The following LGSN variants were observed in gnomAD, a reference collection of about 807,000 sequenced individuals.
LGSN encodes lengsin, lens protein with glutamine synthetase domain.
In LGSN, 21 loss-of-function variants were observed where a neutral mutation model predicts 19.5. That is an observed-to-expected ratio of 1.07 (90% confidence interval 0.76 to 1.55). The LOEUF (loss-of-function observed/expected upper bound fraction) is 1.55, where lower values mean the gene tolerates loss of function less well. Ranked by LOEUF, LGSN falls within the 40% of genes most tolerant of loss-of-function variation. LGSN has a pLI of 0.00. For missense variants in LGSN, 673 were observed against 608.5 expected (o/e 1.11, Z -1.12); for synonymous variants, 257 against 215.6 (o/e 1.19, Z -1.68).
chr6:63,439,476 C>A, the LGSN span, among the ~76,000 whole-genome samples: 1 of 151,886 alleles, frequency 6.6e-6, no homozygotes, highest in African/African-American at 2.4e-5. Context: ...GATCGTGCCA[C>A]TGCACTCCGG....
At chr6:63,312,516 G>A (rs1245718193) in intron 1 of LGSN, among the ~76,000 whole-genome samples, 2 of 152,062 alleles carry the variant, frequency 1.3e-5, no homozygotes, top group Non-Finnish European at 2.9e-5. Flanking sequence ...ATAACTTTCA[G>A]TATCATTAAA....
the LGSN span, among the ~76,000 whole-genome samples, chr6:63,432,157 GAAAGAAAGAAAGAAAA>G: frequency 8.3e-3 from 809 of 97,830 alleles, 38 homozygotes; most frequent in African/African-American, 0.028. Flanking sequence ...AAGAAAGAAA[GAAAGAAAGAAAGAAAA>G]GGAAAGAAAG....
the LGSN span, among the ~76,000 whole-genome samples, chr6:63,570,556 A>G: frequency 1.3e-5 from 2 of 152,254 alleles, no homozygotes; most frequent in Non-Finnish European, 2.9e-5. Context: ...TCTGTGGATC[A>G]CAAGGCTCAC....
chr6:63,401,188 T>A, the LGSN span, among the ~76,000 whole-genome samples: 2 of 151,336 alleles, frequency 1.3e-5, no homozygotes, highest in African/African-American at 4.9e-5. Context: ...CAGCACAGGA[T>A]TTCAAACAAG....
At chr6:63,364,232 A>T in the LGSN span, among the ~76,000 whole-genome samples, 5 of 151,804 alleles carry the variant, frequency 3.3e-5, no homozygotes, top group African/African-American at 9.7e-5. Context: ...GGATGGAGGA[A>T]GATCTACCAA....
chr6:63,564,727 A>C, the LGSN span, among the ~76,000 whole-genome samples: 1 of 152,328 alleles, frequency 6.6e-6, no homozygotes, highest in Non-Finnish European at 1.5e-5. Context: ...CTGTGGCATA[A>C]TTCAACATGT....
chr6:63,476,871 T>A, the LGSN span, among the ~76,000 whole-genome samples: 3 of 152,250 alleles, frequency 2.0e-5, no homozygotes, highest in African/African-American at 7.2e-5. Flanking sequence ...AATTTGCCAT[T>A]GTTTTTAATT....
the LGSN span, among the ~76,000 whole-genome samples, chr6:63,538,269 A>G: frequency 1.3e-5 from 2 of 152,234 alleles, no homozygotes; most frequent in East Asian, 3.8e-4. Flanking sequence ...AGGGAAATCT[A>G]GAACTGTTCT....
At position 63,280,872 on chromosome 6, in the gene LGSN, G is replaced by C. The variant is rs201961655; in HGVS notation, c.679C>G (p.Pro227Ala). Reference sequence around the variant, plus strand: ...TGGTTATTTAAAAATGTTAAAGCAGGAAAAGATATAATCTTTGAATTTAAA... The same window carrying C: ...TGGTTATTTAAAAATGTTAAAGCAGCAAAAGATATAATCTTTGAATTTAAA... ...EILNSKIISF[P>A]ALTFLNNHDQ... Residue 227 changes from proline to alanine, a missense_variant, in exon 4 of 4, where the codon CCT becomes GCT. Physicochemically the swap from Pro to Ala is conservative, Grantham distance 27. Coordinates refer to ENST00000370657, the MANE Select transcript of LGSN (RefSeq NM_016571.3). The C allele has an allele frequency of 8.7e-5, 140 of 1,613,926 alleles. No homozygotes were observed. In the Admixed American group the frequency reaches 2.3e-3, roughly 27 times the overall value.
chr6:63,455,603 A>G, the LGSN span, among the ~76,000 whole-genome samples: 16 of 151,948 alleles, frequency 1.1e-4, no homozygotes, highest in East Asian at 2.0e-3. Flanking sequence ...ATAAATACAA[A>G]ATTAGGTGGG....
intron 1 of LGSN, among the ~76,000 whole-genome samples, chr6:63,302,041 G>C (rs1487422464): frequency 6.6e-6 from 1 of 151,894 alleles, no homozygotes; most frequent in Non-Finnish European, 1.5e-5. Context: ...TGTTCCAAAA[G>C]GTCCCTGAAG....
rs536389836 is a variant in LGSN, at chr6:63,311,061, G to T, written c.30+8853C>A. ...GTTTGCTCTTGACTGGTCCACTTTT[G>T]CTTTGACTGGACCACTTCTACCTCT... On this transcript the variant is annotated intron_variant, in intron 1 of 3. Coordinates refer to ENST00000370657, the MANE Select transcript of LGSN (RefSeq NM_016571.3). Among the ~76,000 whole-genome samples, 8 of 152,262 alleles carry T rather than the reference G, an allele frequency of 5.3e-5. 1 individual carries two copies. The South Asian group carries it at 1.7e-3, about 32-fold the overall frequency.
At chr6:63,370,022 A>G in the LGSN span, among the ~76,000 whole-genome samples, 1 of 148,910 alleles carries the variant, frequency 6.7e-6, no homozygotes, top group Non-Finnish European at 1.5e-5. Context: ...GAAGAAGAAG[A>G]AGGAGAAGGA....
chr6:63,466,061 C>A, the LGSN span, among the ~76,000 whole-genome samples: 3 of 152,156 alleles, frequency 2.0e-5, no homozygotes, highest in African/African-American at 7.2e-5. Context: ...ACTCAAATTC[C>A]TGGGCTTAAG....
the LGSN span, among the ~76,000 whole-genome samples, chr6:63,565,447 T>A: frequency 6.9e-4 from 103 of 149,154 alleles, 1 homozygote; most frequent in East Asian, 0.019. Context: ...AAATAGACTT[T>A]AAAAAAAAAA....
chr6:63,342,414 TA>T, the LGSN span, among the ~76,000 whole-genome samples: 3 of 152,224 alleles, frequency 2.0e-5, no homozygotes, highest in African/African-American at 7.2e-5. Flanking sequence ...TTAAGGCTGT[TA>T]AAAATTATTT....
chr6:63,376,315 A>G, the LGSN span, among the ~76,000 whole-genome samples: 1 of 152,384 alleles, frequency 6.6e-6, no homozygotes, highest in Non-Finnish European at 1.5e-5. Context: ...CTCACAGCAG[A>G]GAGCAATGCA....
the LGSN span, among the ~76,000 whole-genome samples, chr6:63,367,398 C>G: frequency 6.6e-6 from 1 of 152,134 alleles, no homozygotes. Flanking sequence ...GAGATACCAT[C>G]TCACACCAGT....
chr6:63,561,545 T>C, the LGSN span, among the ~76,000 whole-genome samples: 1 of 152,158 alleles, frequency 6.6e-6, no homozygotes, highest in Non-Finnish European at 1.5e-5. Context: ...AATCTTCCTC[T>C]GGGCAGATAA....
Sources: allele counts gnomAD v4.1 joint callset (sites outside exome capture counted in the v4.1 genomes callset), GRCh38; gene constraint gnomAD v4.1.1; transcripts MANE v1.5; gene names NCBI Gene and HGNC (gene_info 2026-07-23, HGNC 2026-07-21).